Variants in RPS6KC1 observed in about 807,000 individuals in gnomAD.
RPS6KC1 encodes the protein ribosomal protein S6 kinase C1.
In RPS6KC1, 54 loss-of-function variants were observed where a neutral mutation model predicts 103.8. The observed-to-expected ratio is 0.52, with a 90% CI of 0.42 to 0.65. The LOEUF (loss-of-function observed/expected upper bound fraction) is 0.65, where lower values mean the gene tolerates loss of function less well. Ranked by LOEUF, RPS6KC1 falls within the 30% of genes least tolerant of loss-of-function variation. The pLI is 0.00. For synonymous variants in RPS6KC1, 439 were observed against 438.7 expected, an observed-to-expected ratio of 1.00 and a Z score of -0.01; for missense variants, 1,151 against 1,253.8, an observed-to-expected ratio of 0.92 and a Z score of 1.24.
At chr1:213,189,826 C>G (rs1241560929) in intron 8 of RPS6KC1, among the ~76,000 whole-genome samples, 1 of 152,148 alleles carries the variant, frequency 6.6e-6, no homozygotes, top group Non-Finnish European at 1.5e-5. Context: ...CCTCTGGTAA[C>G]CATCCTTCTA....
intron 8 of RPS6KC1, among the ~76,000 whole-genome samples, chr1:213,193,834 C>T (rs2092841447): frequency 6.6e-6 from 1 of 151,758 alleles, no homozygotes; most frequent in Non-Finnish European, 1.5e-5. Flanking sequence ...TGCCATGTTG[C>T]CCAGGCTAGT....
At chr1:213,596,240 T>A in the RPS6KC1 span, among the ~76,000 whole-genome samples, 1 of 152,180 alleles carries the variant, frequency 6.6e-6, no homozygotes, top group East Asian at 1.9e-4. Flanking sequence ...TGTCCCTCTT[T>A]GGTCATGCTC....
chr1:213,557,366 G>A, the RPS6KC1 span, among the ~76,000 whole-genome samples: 5 of 152,200 alleles, frequency 3.3e-5, no homozygotes, highest in Non-Finnish European at 7.3e-5. Context: ...GCTGGCTACA[G>A]GGCAGCTGTT....
At chr1:213,602,042 T>TTCTTTC in the RPS6KC1 span, among the ~76,000 whole-genome samples, 19 of 65,336 alleles carry the variant, frequency 2.9e-4, no homozygotes, top group Non-Finnish European at 4.6e-4. Context: ...TTCTCTTTCT[T>TTCTTTC]TCTTTCTTTC....
chr1:213,206,299 C>T (rs183230312), intron 8 of RPS6KC1, among the ~76,000 whole-genome samples: 1 of 152,208 alleles, frequency 6.6e-6, no homozygotes, highest in African/African-American at 2.4e-5. Context: ...TGACCCAGTG[C>T]ATTACAGATC....
At chr1:213,151,168 G>T (rs2088772805) in intron 6 of RPS6KC1, among the ~76,000 whole-genome samples, 1 of 145,956 alleles carries the variant, frequency 6.9e-6, no homozygotes, top group Non-Finnish European at 1.5e-5. Flanking sequence ...CCGGGCGGGG[G>T]GCTGACCCCC....
chr1:213,110,204 C>T (rs2148826990), intron 4 of RPS6KC1, among the ~76,000 whole-genome samples: 1 of 152,206 alleles, frequency 6.6e-6, no homozygotes, highest in Middle Eastern at 3.4e-3. Flanking sequence ...CATCTTTGTT[C>T]CCTCACAGAT....
the RPS6KC1 span, among the ~76,000 whole-genome samples, chr1:213,458,994 G>T: frequency 1.3e-3 from 197 of 152,256 alleles, no homozygotes; most frequent in African/African-American, 4.4e-3. Context: ...ATGTGCTGTT[G>T]AATTCAGTTT....
the RPS6KC1 span, among the ~76,000 whole-genome samples, chr1:213,692,705 T>C: frequency 6.6e-6 from 1 of 152,196 alleles, no homozygotes; most frequent in Non-Finnish European, 1.5e-5. Context: ...CATATACCAG[T>C]TAAACTCTGC....
At chr1:213,311,340 G>A in the RPS6KC1 span, among the ~76,000 whole-genome samples, 1 of 152,042 alleles carries the variant, frequency 6.6e-6, no homozygotes, top group Non-Finnish European at 1.5e-5. Context: ...GGGTTTCACC[G>A]TGTTAGCCAG....
At chr1:213,285,118 G>T in the RPS6KC1 span, among the ~76,000 whole-genome samples, 1 of 152,222 alleles carries the variant, frequency 6.6e-6, no homozygotes, top group Admixed American at 6.5e-5. Flanking sequence ...CAGTTGCGGA[G>T]TCTGCAAGTC....
At chr1:213,834,512 A>G in the RPS6KC1 span, among the ~76,000 whole-genome samples, 154 of 152,326 alleles carry the variant, frequency 1.0e-3, no homozygotes, top group South Asian at 0.031. Context: ...GATGGAGATA[A>G]TTCATCTAGG....
intron 6 of RPS6KC1, among the ~76,000 whole-genome samples, chr1:213,167,420 G>GA (rs1165490916): frequency 7.1e-6 from 1 of 140,070 alleles, no homozygotes; most frequent in Non-Finnish European, 1.5e-5. Flanking sequence ...TTGGTTTTTA[G>GA]AAAAAAACCA....
the RPS6KC1 span, among the ~76,000 whole-genome samples, chr1:213,496,551 G>T: frequency 3.9e-5 from 6 of 151,978 alleles, no homozygotes; most frequent in Non-Finnish European, 5.9e-5. Context: ...TGAGGTCAAG[G>T]GTTTGAGACC....
the RPS6KC1 span, among the ~76,000 whole-genome samples, chr1:213,759,126 A>G: frequency 6.6e-6 from 1 of 152,194 alleles, no homozygotes; most frequent in Non-Finnish European, 1.5e-5. Flanking sequence ...GCCTTCAGCA[A>G]CCACCACCCT....
chr1:213,848,460 T>C, the RPS6KC1 span, among the ~76,000 whole-genome samples: 1 of 152,222 alleles, frequency 6.6e-6, no homozygotes, highest in Non-Finnish European at 1.5e-5. Context: ...TTCATGTTAA[T>C]GTGTATATCA....
chr1:213,759,852 A>G, the RPS6KC1 span, among the ~76,000 whole-genome samples: 1 of 152,208 alleles, frequency 6.6e-6, no homozygotes, highest in African/African-American at 2.4e-5. Flanking sequence ...CATGTCCTCT[A>G]GCAAGCCCCC....
chr1:213,164,182 AAATAGAAT>A (rs1474862248), intron 6 of RPS6KC1, among the ~76,000 whole-genome samples: 1 of 152,232 alleles, frequency 6.6e-6, no homozygotes, highest in Non-Finnish European at 1.5e-5. Flanking sequence ...TATTTCTTAT[AAATAGAAT>A]ATGGTATAAT....
chr1:213,352,387 AATG>A, the RPS6KC1 span, among the ~76,000 whole-genome samples: 3 of 152,348 alleles, frequency 2.0e-5, no homozygotes, highest in South Asian at 2.1e-4. Flanking sequence ...GAAACATGCA[AATG>A]ATGAAAAATT....
Sources: allele counts gnomAD v4.1 joint callset (sites outside exome capture counted in the v4.1 genomes callset), GRCh38; gene constraint gnomAD v4.1.1; transcripts MANE v1.5; gene names NCBI Gene and HGNC (gene_info 2026-07-23, HGNC 2026-07-21).